Variants in NPEPPS observed in about 807,000 individuals in gnomAD.
NPEPPS encodes the protein puromycin-sensitive aminopeptidase.
NPEPPS carries 14 observed loss-of-function variants against 115.5 expected under a neutral mutation model. That is an observed-to-expected ratio of 0.12 (90% CI 0.08 to 0.19). The LOEUF (loss-of-function observed/expected upper bound fraction) is 0.19, where lower values mean the gene tolerates loss of function less well. Among genes scored for constraint, NPEPPS ranks in the 10% least tolerant of loss-of-function variants. NPEPPS has a pLI of 1.00. For missense variants in NPEPPS, 523 were observed against 1,110.8 expected (o/e 0.47, Z 7.52); for synonymous variants, 285 against 390.6 (o/e 0.73, Z 3.19).
At chr17:47,609,092 T>A (rs1913691148) in intron 17 of NPEPPS, among the ~76,000 whole-genome samples, 1 of 151,946 alleles carries the variant, frequency 6.6e-6, no homozygotes, top group South Asian at 2.1e-4. Flanking sequence ...AGTTGGGAGA[T>A]TTTATATTAC....
At chr17:47,536,480 C>T (rs139357457) in intron 1 of NPEPPS, among the ~76,000 whole-genome samples, 18 of 149,332 alleles carry the variant, frequency 1.2e-4, no homozygotes, top group African/African-American at 4.4e-4. Flanking sequence ...GCAGCCTCTG[C>T]CCCCCCAGGT....
intron 15 of NPEPPS, among the ~76,000 whole-genome samples, chr17:47,602,919 A>G (rs1229123569): frequency 2.0e-5 from 3 of 152,114 alleles, no homozygotes; most frequent in Non-Finnish European, 4.4e-5. Flanking sequence ...TATAAATGAG[A>G]AAAAAGTTAT....
At chr17:47,589,896 C>T (rs1309921570) in intron 9 of NPEPPS, among the ~76,000 whole-genome samples, 2 of 152,062 alleles carry the variant, frequency 1.3e-5, no homozygotes, top group African/African-American at 4.8e-5. Context: ...TTTTGTTTTT[C>T]AGAGATAATC....
chr17:47,524,632 C>G (rs1227204289), intron 1 of NPEPPS, among the ~76,000 whole-genome samples: 3 of 150,456 alleles, frequency 2.0e-5, no homozygotes, highest in Non-Finnish European at 4.4e-5. Flanking sequence ...GTAGCTGGGA[C>G]TACAGGCACC....
At chr17:47,597,891 A>G (rs188421042) in intron 13 of NPEPPS, among the ~76,000 whole-genome samples, 152 of 152,326 alleles carry the variant, frequency 1.0e-3, no homozygotes, top group Middle Eastern at 3.4e-3. Context: ...AAGTGTGCAC[A>G]CTGGAGGACC....
intron 5 of NPEPPS, among the ~76,000 whole-genome samples, chr17:47,585,090 G>A (rs1466445544): frequency 6.6e-6 from 1 of 152,172 alleles, no homozygotes; most frequent in African/African-American, 2.4e-5. Context: ...GCCTCCCAAA[G>A]TGCTGGTATT....
intron 1 of NPEPPS, among the ~76,000 whole-genome samples, chr17:47,545,230 C>T (rs1465278317): frequency 1.3e-5 from 2 of 152,136 alleles, no homozygotes; most frequent in East Asian, 3.8e-4. Flanking sequence ...TTTTTGACCT[C>T]AAGTAATCCT....
chr17:47,556,649 AG>A (rs954909469), intron 2 of NPEPPS, among the ~76,000 whole-genome samples: 61 of 151,996 alleles, frequency 4.0e-4, no homozygotes, highest in African/African-American at 1.3e-3. Context: ...ACTTCCCAGA[AG>A]GGGCGGCCGG....
chr17:47,558,984 A>C (rs1458687519), intron 2 of NPEPPS, among the ~76,000 whole-genome samples: 1 of 151,558 alleles, frequency 6.6e-6, no homozygotes, highest in Non-Finnish European at 1.5e-5. Flanking sequence ...GTTGCAGTGA[A>C]CCGAGATTGC....
In NPEPPS at chr17:47,578,840, T is replaced by C. The variant is rs1911692288; in HGVS notation, c.419-550T>C. 2.6e-5 allele frequency among the ~76,000 whole-genome samples: 4 copies of C among 152,038 alleles called. 1 individual carries two copies. In the South Asian group the frequency reaches 8.3e-4, roughly 31 times the overall value. On this transcript the variant is annotated intron_variant, in intron 3 of 22. Transcript: ENST00000322157. ...TCTTGATAGAGTAATTGGCTACATT[T>C]CTCTTTCTATGCATGAAGTTGTGTA...
chr17:47,529,998 G>A (rs1156338980), upstream of NPEPPS, among the ~76,000 whole-genome samples: 1 of 143,570 alleles, frequency 7.0e-6, no homozygotes, highest in African/African-American at 2.5e-5. Flanking sequence ...GTGCAGTGGC[G>A]CAATCTCGGC....
In NPEPPS at chr17:47,601,670, G is replaced by T; in HGVS notation, c.1663G>T (p.Ala555Ser). Residue 555 changes from alanine (A) to serine (S), a missense_variant, in exon 15 of 23, where the codon GCC (alanine) becomes TCC (serine). Around this residue, in one of 4 missense-constraint regions of NPEPPS, gnomAD observed 372 missense variants for 542.6 expected, o/e 0.69. Transcript: ENST00000322157. ...CTCTACTAGTGAAGACCCCAACCAG[G>T]CCAAACTAAAAATTCTAATGGACAA... ...TISTSEDPNQAKLKILMDKPE... is the reference protein window; with the variant it reads ...TISTSEDPNQSKLKILMDKPE... 1.2e-6 allele frequency: 2 copies of T among 1,611,986 alleles called. No homozygotes were observed. Among genetic ancestry groups the T allele is most frequent in the South Asian group, 1.1e-5 (1 of 90,626 alleles).
chr17:47,555,102 A>G (rs540283511), intron 2 of NPEPPS, among the ~76,000 whole-genome samples: 20 of 152,278 alleles, frequency 1.3e-4, no homozygotes, highest in African/African-American at 4.3e-4. Context: ...GCTCTATCCT[A>G]TTAACTTTAT....
chr17:47,532,658 CAAAAAAAAAAAA>C (rs898672269), intron 1 of NPEPPS, among the ~76,000 whole-genome samples: 2 of 51,432 alleles, frequency 3.9e-5, no homozygotes, highest in East Asian at 5.8e-4. Context: ...GACTCCGTCT[CAAAAAAAAAAAA>C]AAAAAAAAAA....
chr17:47,565,665 C>A (rs1311953280), intron 2 of NPEPPS, among the ~76,000 whole-genome samples: 3 of 151,596 alleles, frequency 2.0e-5, no homozygotes, highest in Non-Finnish European at 4.4e-5. Flanking sequence ...ATAAAAAATA[C>A]AAAAATTAGT....
intron 9 of NPEPPS, among the ~76,000 whole-genome samples, chr17:47,587,614 T>A (rs1318607276): frequency 6.6e-6 from 1 of 152,170 alleles, no homozygotes; most frequent in East Asian, 1.9e-4. Flanking sequence ...CTAATTTGGG[T>A]GAGAGAAAAA....
At chr17:47,546,073 T>TGTGTGTGAGAGAGAGA in intron 2 of NPEPPS, 80 bp downstream of exon 2, 4 of 1,263,778 alleles carry the variant, frequency 3.2e-6, no homozygotes, top group East Asian at 6.0e-5. Context: ...TGTGTGTGTG[T>TGTGTGTGAGAGAGAGA]GAGAGAGAGA....
At chr17:47,545,662 C>G (rs1397521785) in intron 1 of NPEPPS, among the ~76,000 whole-genome samples, 1 of 152,112 alleles carries the variant, frequency 6.6e-6, no homozygotes, top group African/African-American at 2.4e-5. Flanking sequence ...AGTCCTCCCA[C>G]TTCAACCTCC....
At chr17:47,546,121 G>A in intron 2 of NPEPPS, 128 bp downstream of exon 2, 2 of 1,469,306 alleles carry the variant, frequency 1.4e-6, no homozygotes, top group Non-Finnish European at 1.8e-6. Context: ...TTCAATGTTT[G>A]TTACTTTAGA....
Sources: gnomAD v4.1 joint callset for allele counts (sites outside exome capture counted in the v4.1 genomes callset) on GRCh38, gnomAD v4.1.1 for gene constraint, gnomAD v4.1.1 regional missense constraint, MANE v1.5 for transcripts, NCBI Gene and HGNC (gene_info 2026-07-23, HGNC 2026-07-21) for gene names.